The following TSPEAR variants were observed in gnomAD, a reference collection of about 807,000 sequenced individuals.
TSPEAR encodes the protein thrombospondin type laminin G domain and EAR repeats.
In TSPEAR, 69 loss-of-function variants were observed where a neutral mutation model predicts 71.6. The observed-to-expected ratio is 0.96, with a 90% confidence interval of 0.79 to 1.18. The LOEUF (loss-of-function observed/expected upper bound fraction) is 1.18. Ranked by LOEUF, TSPEAR falls within the 50% of genes most tolerant of loss-of-function variation. The probability of loss-of-function intolerance (pLI) is 0.00; values close to 1 mark genes in which losing one functional copy is unlikely to be tolerated. For missense variants in TSPEAR, 971 were observed against 894.9 expected, an observed-to-expected ratio of 1.09 and a Z score of -1.09; for synonymous variants, 402 against 387.2, an observed-to-expected ratio of 1.04 and a Z score of -0.45.
At chr21:44,614,331 G>C (rs890408162) in intron 1 of TSPEAR, among the ~76,000 whole-genome samples, 1 of 152,276 alleles carries the variant, frequency 6.6e-6, no homozygotes, top group Non-Finnish European at 1.5e-5. Context: ...CCAGCATGGG[G>C]ACAGCGCCCA....
intron 1 of TSPEAR, chr21:44,637,908 C>T (rs202097605): frequency 1.4e-5 from 21 of 1,530,968 alleles, no homozygotes; most frequent in Non-Finnish European, 1.7e-5. Context: ...TGCTCTGGGG[C>T]TTCCACTTCA....
At chr21:44,600,363 C>G (rs1235665870) in intron 1 of TSPEAR, among the ~76,000 whole-genome samples, 1 of 151,994 alleles carries the variant, frequency 6.6e-6, no homozygotes, top group Non-Finnish European at 1.5e-5. Flanking sequence ...GAGGGTGCGT[C>G]AACGGAACCA....
chr21:44,614,797 G>A (rs1477293899), intron 1 of TSPEAR, among the ~76,000 whole-genome samples: 1 of 152,242 alleles, frequency 6.6e-6, no homozygotes, highest in Non-Finnish European at 1.5e-5. Context: ...GGAAGCCACG[G>A]TGTGTGAGAA....
At chr21:44,518,347 A>AC (rs1335997333) in intron 9 of TSPEAR, 1 of 459,034 alleles carries the variant, frequency 2.2e-6, no homozygotes, top group Non-Finnish European at 4.5e-6. Context: ...GCTCTGGGGC[A>AC]CTGGGGCATC....
intron 1 of TSPEAR, among the ~76,000 whole-genome samples, chr21:44,585,237 C>G (rs975020339): frequency 2.0e-5 from 3 of 152,180 alleles, no homozygotes; most frequent in Admixed American, 6.5e-5. Flanking sequence ...TGCAGAATTT[C>G]TTCCCTCCAC....
chr21:44,572,932 G>A (rs1555922847), intron 1 of TSPEAR, among the ~76,000 whole-genome samples: 1 of 150,982 alleles, frequency 6.6e-6, no homozygotes, highest in African/African-American at 2.4e-5. Flanking sequence ...TGAGGCCACT[G>A]TAAGCCAAGG....
chr21:44,566,399 A>G (rs1263928845), intron 2 of TSPEAR, among the ~76,000 whole-genome samples: 3 of 152,306 alleles, frequency 2.0e-5, no homozygotes, highest in East Asian at 3.9e-4. Context: ...TCTGAAGTCC[A>G]TGATCCACTC....
At chr21:44,652,894 C>T (rs1984896149) in intron 1 of TSPEAR, among the ~76,000 whole-genome samples, 1 of 152,164 alleles carries the variant, frequency 6.6e-6, no homozygotes, top group African/African-American at 2.4e-5. Context: ...TGGTGGCTCA[C>T]ACCTGTAATC....
intron 2 of TSPEAR, chr21:44,557,692 G>GTA: frequency 6.7e-6 from 2 of 296,820 alleles, no homozygotes; most frequent in Non-Finnish European, 1.3e-5. Flanking sequence ...CTGTCAGCCT[G>GTA]GATGCAGCTC....
At position 44,697,436 on chromosome 21, in the gene TSPEAR, T is replaced by G. The variant is rs782454906; in HGVS notation, c.82+13997A>C. ...CCCCTGCCAATCAGGCTGCACCAGCTCCTGCACGCCCTCGTGCTGCCAGCA... is the reference window on the plus strand; with the variant it reads ...CCCCTGCCAATCAGGCTGCACCAGCGCCTGCACGCCCTCGTGCTGCCAGCA... On this transcript the variant is annotated intron_variant, in intron 1 of 11. Coordinates refer to ENST00000323084, the MANE Select transcript of TSPEAR (RefSeq NM_144991.3). The G allele has an allele frequency of 4.3e-6, 7 of 1,613,982 alleles. No individual in the cohort carries two copies. In the Admixed American group the frequency reaches 1.0e-4, roughly 23 times the overall value.
At chr21:44,592,141 C>T in intron 1 of TSPEAR, 3 of 1,521,456 alleles carry the variant, frequency 2.0e-6, no homozygotes, top group Non-Finnish European at 1.8e-6. Context: ...GACAGTCTTG[C>T]AGCAGACGGG....
rs782061437 is a variant in TSPEAR at position 44,533,938 on chromosome 21, C to T, written c.304-15G>A. 3.7e-6 allele frequency: 6 copies of T among 1,601,706 alleles called. No individual in the cohort carries two copies. In the South Asian group the frequency reaches 6.6e-5, roughly 18 times the overall value. ...TACTCGTTCCTCTGTGGAGAGCGGG[C>T]CAGGCTCAGGACGGGGCTGGGGGTA... On this transcript the variant is annotated splice_polypyrimidine_tract_variant and intron_variant, in intron 2 of 11. Coordinates refer to ENST00000323084, the MANE Select transcript of TSPEAR (RefSeq NM_144991.3).
Position 44,578,552 on chromosome 21 carries a change from G to A in TSPEAR, c.83-10547C>T, listed in dbSNP as rs76633302. 1.4e-3 allele frequency among the ~76,000 whole-genome samples: 217 copies of A among 152,312 alleles called. 1 individual carries two copies. Among genetic ancestry groups the A allele is most frequent in the Middle Eastern group, 6.8e-3 (2 of 294 alleles). On this transcript the variant is annotated intron_variant, in intron 1 of 11. Transcript: ENST00000323084. The stretch of plus-strand genomic sequence containing the variant: ...GCGAGGGTGCTAGGGATTAGGGGAC[G>A]GAGGCTGAGGCCTCACGGGTGGCAG...
chr21:44,657,922 A>C, intron 1 of TSPEAR: 1 of 1,550,078 alleles, frequency 6.5e-7, no homozygotes, highest in East Asian at 2.3e-5. Context: ...ACCACCAGAG[A>C]AGCAGCTTCC....
intron 1 of TSPEAR, among the ~76,000 whole-genome samples, chr21:44,684,517 A>G (rs5013904): frequency 0.64 from 97,423 of 152,124 alleles, 31,364 homozygotes; most frequent in South Asian, 0.72. Context: ...CTGGGTGACC[A>G]AGCAAGAAGG....
At chr21:44,605,892 C>A (rs1981271703) in intron 1 of TSPEAR, among the ~76,000 whole-genome samples, 1 of 152,082 alleles carries the variant, frequency 6.6e-6, no homozygotes, top group South Asian at 2.1e-4. Context: ...TTGGTCCAGG[C>A]AATTATTCCT....
intron 1 of TSPEAR, chr21:44,637,370 C>G: frequency 6.4e-7 from 1 of 1,574,586 alleles, no homozygotes; most frequent in Admixed American, 1.7e-5. Context: ...CACTCACACA[C>G]TCACTCACTC....
chr21:44,509,107 G>A (rs1353718478), intron 10 of TSPEAR, 92 bp downstream of exon 10: 4 of 1,441,646 alleles, frequency 2.8e-6, no homozygotes, highest in Middle Eastern at 3.7e-4. Flanking sequence ...CTTTCCACGG[G>A]AAGGGTGGTG....
intron 1 of TSPEAR, among the ~76,000 whole-genome samples, chr21:44,617,996 G>A (rs868971052): frequency 6.6e-6 from 1 of 152,208 alleles, no homozygotes; most frequent in African/African-American, 2.4e-5. Context: ...TGCTAAGACC[G>A]ATGACAGAGG....
Sources: allele counts gnomAD v4.1 joint callset (sites outside exome capture counted in the v4.1 genomes callset), GRCh38; gene constraint gnomAD v4.1.1; transcripts MANE v1.5; gene names NCBI Gene and HGNC (gene_info 2026-07-23, HGNC 2026-07-21).